The following LOC131768270 variants were observed in gnomAD, a reference collection of about 807,000 sequenced individuals.
chr5:140,567,810 G>A, the LOC131768270 span: 34 of 1,613,926 alleles, frequency 2.1e-5, no homozygotes, highest in Non-Finnish European at 2.5e-5. Context: ...AAGCGACAGC[G>A]GCTGCCCCTG....
At chr5:140,566,024 C>G in the LOC131768270 span, 1 of 398,558 alleles carries the variant, frequency 2.5e-6, no homozygotes, top group African/African-American at 2.1e-5. Context: ...CCAACATGCT[C>G]TTGAGAGTGT....
At chr5:140,567,938 G>A in the LOC131768270 span, 2 of 1,614,184 alleles carry the variant, frequency 1.2e-6, no homozygotes, top group Non-Finnish European at 8.5e-7. Flanking sequence ...AGCACTCGTG[G>A]TGCTGAGCCA....
the LOC131768270 span, chr5:140,567,588 T>G: frequency 6.2e-7 from 1 of 1,614,250 alleles, no homozygotes; most frequent in South Asian, 1.1e-5. Flanking sequence ...CGCCTCTCTG[T>G]GCGTCAGGGG....
At chr5:140,565,728 C>G in the LOC131768270 span, 1 of 393,254 alleles carries the variant, frequency 2.5e-6, no homozygotes, top group Admixed American at 4.4e-5. Flanking sequence ...GCTTGTCTTT[C>G]TTTGCCACTG....
the LOC131768270 span, chr5:140,568,547 G>T: frequency 3.8e-6 from 1 of 266,382 alleles, no homozygotes; most frequent in Non-Finnish European, 7.8e-6. Flanking sequence ...TCACCCAGCA[G>T]AGCCACTGGA....
chr5:140,567,254 A>G, the LOC131768270 span: 6 of 1,614,188 alleles, frequency 3.7e-6, no homozygotes, highest in African/African-American at 5.3e-5. Flanking sequence ...ATCCACTGCC[A>G]TGTACGGTGC....
chr5:140,567,726 C>T, the LOC131768270 span: 19 of 1,614,046 alleles, frequency 1.2e-5, no homozygotes, highest in East Asian at 4.5e-5. Flanking sequence ...CATATCACTC[C>T]GCTAGGCCTG....
chr5:140,567,550 T>C, the LOC131768270 span: 925 of 1,614,210 alleles, frequency 5.7e-4, 3 homozygotes, highest in African/African-American at 0.01. Flanking sequence ...GAAGCACAGC[T>C]GTGCTCTACT....
At chr5:140,567,033 G>A in the LOC131768270 span, 1 of 1,364,152 alleles carries the variant, frequency 7.3e-7, no homozygotes, top group Non-Finnish European at 1.0e-6. Context: ...GGAGTTGGTA[G>A]ATGCCTCTGA....
At chr5:140,566,705 C>T in the LOC131768270 span, 1 of 576,064 alleles carries the variant, frequency 1.7e-6, no homozygotes, top group Non-Finnish European at 3.1e-6. Flanking sequence ...ATGCTGTGCC[C>T]AACGTGGAGA....
the LOC131768270 span, chr5:140,568,811 C>T: frequency 6.0e-6 from 1 of 167,532 alleles, no homozygotes; most frequent in African/African-American, 2.4e-5. Flanking sequence ...GAATGTAGCC[C>T]CTGGGCCCTG....
At chr5:140,565,924 A>G in the LOC131768270 span, 3 of 398,970 alleles carry the variant, frequency 7.5e-6, no homozygotes, top group Non-Finnish European at 1.3e-5. Flanking sequence ...CCAGCTGGAA[A>G]GCCTGCAGCG....
the LOC131768270 span, chr5:140,565,743 C>G: frequency 3.8e-5 from 15 of 394,980 alleles, no homozygotes; most frequent in Non-Finnish European, 6.2e-5. Context: ...CCACTGCCAT[C>G]TCAGGAAGCT....
chr5:140,566,774 A>G, the LOC131768270 span: 4 of 599,600 alleles, frequency 6.7e-6, no homozygotes, highest in Non-Finnish European at 1.2e-5. Context: ...TCTAGGTGCC[A>G]TGGAAGAGGC....
At chr5:140,567,457 T>C in the LOC131768270 span, 1 of 1,614,140 alleles carries the variant, frequency 6.2e-7, no homozygotes, top group Non-Finnish European at 8.5e-7. Flanking sequence ...CCCTGCTCTA[T>C]GGCGCTAACA....
the LOC131768270 span, chr5:140,567,249 C>A: frequency 6.2e-7 from 1 of 1,614,228 alleles, no homozygotes; most frequent in Non-Finnish European, 8.5e-7. Flanking sequence ...CTCCTATCCA[C>A]TGCCATGTAC....
chr5:140,568,007 C>T, the LOC131768270 span: 1 of 1,614,096 alleles, frequency 6.2e-7, no homozygotes, highest in South Asian at 1.1e-5. Context: ...CATCACACGC[C>T]TCTTTGTGGT....
At chr5:140,567,492 G>C in the LOC131768270 span, 1 of 1,614,166 alleles carries the variant, frequency 6.2e-7, no homozygotes, top group Non-Finnish European at 8.5e-7. Context: ...TATCTTCAGC[G>C]TTACATGGAC....
chr5:140,567,076 CTT>C, the LOC131768270 span: 3,893 of 1,585,594 alleles, frequency 2.5e-3, 10 homozygotes, highest in Non-Finnish European at 3.1e-3. Flanking sequence ...TGTTCCACGG[CTT>C]CTCCTTCCTG....
Sources: gnomAD v4.1 joint callset for allele counts on GRCh38, gnomAD v4.1.1 for gene constraint, MANE v1.5 for transcripts.